Variants in MED12L observed in about 807,000 individuals in gnomAD.
MED12L encodes the protein mediator of RNA polymerase II transcription subunit 12-like protein.
Under a neutral mutation model 281.3 loss-of-function variants are expected in MED12L, and 60 were observed. The ratio of observed to expected loss-of-function variants is 0.21; its 90% confidence interval spans 0.17 to 0.26. MED12L has a LOEUF of 0.26. MED12L is among the 10% of genes least tolerant of loss of function. The pLI is 1.00. For missense variants in MED12L, 2,146 were observed against 2,680.9 expected, an observed-to-expected ratio of 0.80 and a Z score of 4.41; for synonymous variants, 974 against 987.2, an observed-to-expected ratio of 0.99 and a Z score of 0.25.
At chr3:151,134,287 C>T (rs1715827884) in intron 5 of MED12L, among the ~76,000 whole-genome samples, 1 of 149,672 alleles carries the variant, frequency 6.7e-6, no homozygotes, top group Admixed American at 6.7e-5. Flanking sequence ...ATACAGTGTT[C>T]CCCATTTCAT....
chr3:151,325,170 A>G (rs146330245), intron 16 of MED12L, among the ~76,000 whole-genome samples: 1 of 152,280 alleles, frequency 6.6e-6, no homozygotes, highest in African/African-American at 2.4e-5. Context: ...GACTTTATCT[A>G]CCTTTTGGCT....
chr3:151,322,086 G>A (rs954929258), intron 16 of MED12L, among the ~76,000 whole-genome samples: 2 of 152,166 alleles, frequency 1.3e-5, no homozygotes, highest in Non-Finnish European at 2.9e-5. Context: ...ATTTCACATG[G>A]AACATGTTCA....
intron 16 of MED12L, among the ~76,000 whole-genome samples, chr3:151,246,621 C>T (rs1735561015): frequency 6.6e-6 from 1 of 152,100 alleles, no homozygotes; most frequent in Non-Finnish European, 1.5e-5. Flanking sequence ...AAAATCAATT[C>T]AAGATGGATT....
intron 2 of MED12L, among the ~76,000 whole-genome samples, chr3:151,095,139 T>C (rs1249930787): frequency 6.6e-6 from 1 of 152,248 alleles, no homozygotes; most frequent in Non-Finnish European, 1.5e-5. Flanking sequence ...CATTGTAAAC[T>C]TAACTTTTTA....
intron 27 of MED12L, 117 bp downstream of exon 27, chr3:151,372,883 T>C: frequency 1.4e-6 from 1 of 698,242 alleles, no homozygotes; most frequent in Non-Finnish European, 2.3e-6. Context: ...CTCACTTTAT[T>C]TCGAAATAAT....
At chr3:151,126,046 C>T (rs1173350379) in intron 4 of MED12L, among the ~76,000 whole-genome samples, 2 of 141,000 alleles carry the variant, frequency 1.4e-5, no homozygotes, top group African/African-American at 5.8e-5. Flanking sequence ...ATACTGCATC[C>T]TCTTTTTTTT....
At position 151,385,049 on chromosome 3, in the gene MED12L, G is replaced by A. The variant is rs1331890154; in HGVS notation, c.4946G>A (p.Arg1649Gln). 11 of 1,572,678 alleles carry A rather than the reference G, an allele frequency of 7.0e-6. No homozygotes were observed. The highest frequency in any genetic ancestry group is 3.4e-5 in the Admixed American group (2 of 59,416). ...CTTTAGAAAGAGCTAGGAGACAAGCGATCAGAAAGTATTGACAAAGTTCGA... is the reference window on the plus strand; with the variant it reads ...CTTTAGAAAGAGCTAGGAGACAAGCAATCAGAAAGTATTGACAAAGTTCGA... Reference protein sequence around the residue: ...KKLKKELGDKRSESIDKVRQL... With the variant: ...KKLKKELGDKQSESIDKVRQL... Residue 1649 changes from arginine to glutamine, a missense_variant, in exon 36 of 45, where the codon CGA becomes CAA. Physicochemically the swap from Arg to Gln is conservative, Grantham distance 43. Coordinates refer to ENST00000687756, the MANE Select transcript of MED12L (RefSeq NM_001393769.1).
chr3:151,199,350 C>T (rs773263911), intron 16 of MED12L: 1 of 1,612,818 alleles, frequency 6.2e-7, no homozygotes, highest in South Asian at 1.1e-5. Context: ...GGCTCCAGAT[C>T]TTTATAAACT....
chr3:151,359,083 T>C (rs1754298576), intron 20 of MED12L, among the ~76,000 whole-genome samples: 3 of 152,160 alleles, frequency 2.0e-5, no homozygotes, highest in Non-Finnish European at 4.4e-5. Flanking sequence ...CTCTGCTCTC[T>C]GTCTCCCCAC....
At chr3:151,221,996 T>C (rs1729455860) in intron 16 of MED12L, among the ~76,000 whole-genome samples, 1 of 152,178 alleles carries the variant, frequency 6.6e-6, no homozygotes, top group Admixed American at 6.5e-5. Flanking sequence ...CCCAAGACCA[T>C]GGGAACCCAC....
intron 16 of MED12L, chr3:151,270,196 C>CTGTGTGTGT (rs71621430): frequency 4.6e-5 from 6 of 129,706 alleles, no homozygotes; most frequent in African/African-American, 1.3e-4. Flanking sequence ...AGCAAGCTGT[C>CTGTGTGTGT]GTGTGTGTGT....
chr3:151,226,645 T>C (rs1730544435), intron 16 of MED12L, among the ~76,000 whole-genome samples: 1 of 152,070 alleles, frequency 6.6e-6, no homozygotes, highest in African/African-American at 2.4e-5. Context: ...TGCATGTGTG[T>C]ATGTTTGAGA....
chr3:151,209,380 A>G (rs1476913236), intron 16 of MED12L, among the ~76,000 whole-genome samples: 2 of 152,220 alleles, frequency 1.3e-5, no homozygotes, highest in African/African-American at 2.4e-5. Context: ...TTGTACAAGC[A>G]GTACTATAAA....
At chr3:151,324,663 A>G (rs948922654) in intron 16 of MED12L, among the ~76,000 whole-genome samples, 2 of 152,106 alleles carry the variant, frequency 1.3e-5, no homozygotes, top group Non-Finnish European at 2.9e-5. Context: ...CCTGCCTGGG[A>G]TTATTAAAGG....
In MED12L at chr3:151,190,880, A is replaced by G. The variant is rs13086955; in HGVS notation, c.1917A>G (p.Val639=). ...CCTCAACTCGGCCGCGGTCACCAGT[A>G]GGGGAAAATGCAGATGAACACTATT... The part of the protein sequence containing the change: ...VTASTRPRSP[V]GENADEHYSK... Residue 639 remains valine, a synonymous_variant, in exon 14 of 45, where the codon GTA becomes GTG. Coordinates refer to ENST00000687756, the MANE Select transcript of MED12L (RefSeq NM_001393769.1). 2 of 1,614,082 alleles carry G rather than the reference A, an allele frequency of 1.2e-6. No homozygotes were observed. The highest frequency in any genetic ancestry group is 2.7e-5 in the African/African-American group (2 of 74,926).
At chr3:151,343,799 T>C (rs1249936170) in intron 16 of MED12L, among the ~76,000 whole-genome samples, 4 of 152,162 alleles carry the variant, frequency 2.6e-5, no homozygotes, top group African/African-American at 9.7e-5. Context: ...AGTCTGCTCA[T>C]CTGAAAATGT....
In MED12L at chr3:151,246,712, A is replaced by T. The variant is rs1283880285; in HGVS notation, c.2250+53046A>T. Among the ~76,000 whole-genome samples, 56 of 152,214 alleles carry T rather than the reference A, an allele frequency of 3.7e-4. No individual in the cohort carries two copies. In the East Asian group the frequency reaches 0.01, roughly 28 times the overall value. ...TTACCATTCAGGACATAGGCATGGG[A>T]AGGACTTCATGTCTAAAACACCAAA... On this transcript the variant is annotated intron_variant, in intron 16 of 44. Coordinates refer to ENST00000687756, the MANE Select transcript of MED12L (RefSeq NM_001393769.1).
chr3:151,271,809 T>C (rs758614054), intron 16 of MED12L, among the ~76,000 whole-genome samples: 5 of 152,198 alleles, frequency 3.3e-5, no homozygotes, highest in Non-Finnish European at 7.3e-5. Context: ...AGTGTAGTTC[T>C]AATACTGGTA....
At chr3:151,150,326 G>T (rs569844562) in intron 5 of MED12L, among the ~76,000 whole-genome samples, 27 of 152,184 alleles carry the variant, frequency 1.8e-4, no homozygotes, top group Non-Finnish European at 3.4e-4. Flanking sequence ...CAGGTGCTTT[G>T]TCAGTGAACA....
Sources: gnomAD v4.1 joint callset for allele counts (sites outside exome capture counted in the v4.1 genomes callset) on GRCh38, gnomAD v4.1.1 for gene constraint, MANE v1.5 for transcripts, NCBI Gene and HGNC (gene_info 2026-07-23, HGNC 2026-07-21) for gene names.